EFL1: variants seen among roughly 807,000 people sequenced by gnomAD.
The protein encoded by EFL1 is elongation factor like GTPase 1.
Under a neutral mutation model 126.7 loss-of-function variants are expected in EFL1, and 76 were observed. That is an observed-to-expected ratio of 0.60 (90% CI 0.50 to 0.73). The LOEUF is 0.73. Ranked by LOEUF, EFL1 falls within the 30% of genes least tolerant of loss-of-function variation. The pLI, the probability that EFL1 is intolerant of heterozygous loss-of-function variation, is 0.00. For missense variants in EFL1, 1,128 were observed against 1,343.2 expected, an observed-to-expected ratio of 0.84 and a Z score of 2.50; for synonymous variants, 410 against 448.4, an observed-to-expected ratio of 0.91 and a Z score of 1.08.
chr15:82,177,330 T>C lies in EFL1; in HGVS notation c.1751-13346A>G, dbSNP rs74884534. ...AACTGCAACTAATAAAAATAAACCA[T>C]TTCAGAACCTTTAAAAAAGAACTGG... On this transcript the variant is annotated intron_variant, in intron 15 of 19. Coordinates refer to ENST00000268206, the MANE Select transcript of EFL1 (RefSeq NM_024580.6). Among the ~76,000 whole-genome samples the C allele has an allele frequency of 8.1e-3, 1,230 of 152,304 alleles. 15 individuals carry two copies. Among genetic ancestry groups the C allele is most frequent in the African/African-American group, 0.028 (1,154 of 41,574 alleles).
In EFL1 at chr15:82,152,116, T is replaced by C. The variant is rs760453744; in HGVS notation, c.2338A>G (p.Thr780Ala). The C allele has an allele frequency of 5.0e-6, 8 of 1,614,056 alleles. No individual in the cohort carries two copies. Among genetic ancestry groups the C allele is most frequent in the South Asian group, 4.4e-5 (4 of 91,088 alleles). Residue 780 changes from threonine (T) to alanine (A), a missense_variant, in exon 18 of 20, where the codon ACA (threonine) becomes GCA (alanine). Thr to Ala is a moderately conservative substitution (Grantham distance 58). Transcript: ENST00000268206. ...TTTTCACCCTCATTCAAAGAGGATGTCAACTGCTCCATAGAACGAATCAAA... is the reference window on the plus strand; with the variant it reads ...TTTTCACCCTCATTCAAAGAGGATGCCAACTGCTCCATAGAACGAATCAAA... ...SDLIRSMEQL[T>A]SSLNEGENTH... is the part of the protein sequence containing the mutation.
Position 82,262,733 on chromosome 15 carries a change from C to A in EFL1, c.-139G>T. The A allele has an allele frequency of 1.0e-6, 1 of 966,770 alleles. No homozygotes were observed. Among genetic ancestry groups the A allele is most frequent in the Non-Finnish European group, 1.5e-6 (1 of 676,500 alleles). The allele number at this position is 966,770 out of a possible 1,614,324, so 59.9% of individuals were successfully genotyped here. A position where few individuals can be genotyped will look rare whatever the true frequency, so the allele number is the denominator to read the frequency against. On this transcript the variant is annotated 5_prime_UTR_variant, in exon 1 of 20. Transcript: ENST00000268206. ...CCCGCGCGCCAGGGGGCGGGGCCGG[C>A]TGTCGCTCGACCTTTCACCCGCACG... is the stretch of plus-strand genomic sequence containing the variant.
At chr15:82,171,521 T>G (rs1053643820) in intron 15 of EFL1, among the ~76,000 whole-genome samples, 2 of 152,130 alleles carry the variant, frequency 1.3e-5, no homozygotes, top group Non-Finnish European at 2.9e-5. Flanking sequence ...AATGATATAA[T>G]TGCATCTGCG....
At chr15:82,222,244 A>G (rs993582731) in intron 12 of EFL1, among the ~76,000 whole-genome samples, 2 of 152,212 alleles carry the variant, frequency 1.3e-5, no homozygotes, top group African/African-American at 4.8e-5. Context: ...TCGTATTCCT[A>G]TTCTACATAT....
chr15:82,246,762 A>T (rs1166346177), intron 4 of EFL1, among the ~76,000 whole-genome samples: 1 of 152,076 alleles, frequency 6.6e-6, no homozygotes, highest in Non-Finnish European at 1.5e-5. Context: ...AGCAGGTGAG[A>T]ATTCTTCTCT....
chr15:82,236,445 A>G (rs1596001268), intron 7 of EFL1, among the ~76,000 whole-genome samples: 1 of 152,266 alleles, frequency 6.6e-6, no homozygotes. Flanking sequence ...AATCAAAATT[A>G]TGTGGTACTG....
At chr15:82,227,684 G>T in intron 10 of EFL1, 112 bp from the exon 11 acceptor site, 1 of 1,455,100 alleles carries the variant, frequency 6.9e-7, no homozygotes. Context: ...TACAGAAAAT[G>T]CCTGTGCTAC....
At chr15:82,148,805 T>C (rs548892282) in intron 18 of EFL1, among the ~76,000 whole-genome samples, 2 of 152,314 alleles carry the variant, frequency 1.3e-5, no homozygotes, top group South Asian at 4.1e-4. Flanking sequence ...ACTAAACTTT[T>C]TGAGGATATA....
chr15:82,209,358 A>T (rs1649679755), intron 15 of EFL1, among the ~76,000 whole-genome samples: 1 of 137,114 alleles, frequency 7.3e-6, no homozygotes, highest in Admixed American at 7.3e-5. Context: ...CACACAGATT[A>T]TCAACACTGA....
chr15:82,184,112 AT>A (rs1218582817), intron 15 of EFL1, among the ~76,000 whole-genome samples: 1 of 152,212 alleles, frequency 6.6e-6, no homozygotes, highest in Admixed American at 6.5e-5. Flanking sequence ...GTTAATAATT[AT>A]TTTTAGCCAA....
chr15:82,225,913 A>T (rs1038477391), intron 11 of EFL1, among the ~76,000 whole-genome samples: 7 of 152,164 alleles, frequency 4.6e-5, no homozygotes, highest in Non-Finnish European at 8.8e-5. Context: ...CAATTCCATC[A>T]CCTCACGTTA....
At chr15:82,246,100 T>C (rs1212830347) in intron 4 of EFL1, among the ~76,000 whole-genome samples, 2 of 152,094 alleles carry the variant, frequency 1.3e-5, no homozygotes, top group African/African-American at 4.8e-5. Context: ...AGACCACTTC[T>C]GATTACATTT....
chr15:82,181,288 A>G (rs1384705948), intron 15 of EFL1, among the ~76,000 whole-genome samples: 1 of 152,172 alleles, frequency 6.6e-6, no homozygotes, highest in Non-Finnish European at 1.5e-5. Flanking sequence ...GTTAATTTAT[A>G]TTTCTGCATT....
intron 15 of EFL1, among the ~76,000 whole-genome samples, chr15:82,191,450 G>C (rs2074358429): frequency 6.6e-6 from 1 of 152,078 alleles, no homozygotes; most frequent in Admixed American, 6.5e-5. Flanking sequence ...AGACTGCACG[G>C]ATCAAATACT....
chr15:82,158,647 C>T (rs2141236460), intron 16 of EFL1, among the ~76,000 whole-genome samples: 1 of 152,254 alleles, frequency 6.6e-6, no homozygotes, highest in East Asian at 1.9e-4. Context: ...TTCCTCAATG[C>T]TTGGTTTTCA....
chr15:82,134,062 C>A (rs2073692669), intron 19 of EFL1, among the ~76,000 whole-genome samples: 1 of 152,160 alleles, frequency 6.6e-6, no homozygotes, highest in South Asian at 2.1e-4. Flanking sequence ...TTATTTCGAA[C>A]CATTTATACC....
intron 16 of EFL1, among the ~76,000 whole-genome samples, chr15:82,161,163 G>C (rs1350641209): frequency 1.4e-5 from 2 of 147,290 alleles, no homozygotes; most frequent in East Asian, 3.9e-4. Context: ...GTTGTCTTCT[G>C]GATTAATCTA....
chr15:82,188,022 T>C (rs1047635489), intron 15 of EFL1, among the ~76,000 whole-genome samples: 3 of 152,190 alleles, frequency 2.0e-5, no homozygotes, highest in African/African-American at 7.2e-5. Flanking sequence ...ATGACCATTA[T>C]AATTTTAGTT....
rs765336217 is a variant in EFL1 at position 82,238,346 on chromosome 15, T to C, written c.692A>G (p.Asn231Ser). The change falls in exon 7 of 20, where the codon AAT becomes AGT. Residue 231 changes from asparagine to serine, a missense_variant. Physicochemically the swap from Asn to Ser is conservative, Grantham distance 46. Coordinates refer to ENST00000268206, the MANE Select transcript of EFL1 (RefSeq NM_024580.6). ...ATCTATTGCACTGGTAAACACCACA[T>C]TTCCCTGTTCTGGAGAGAAGTAAAG... is the stretch of plus-strand genomic sequence containing the variant. Reference protein sequence around the residue: ...SHLYFSPEQGNVVFTSAIDGW... With the variant: ...SHLYFSPEQGSVVFTSAIDGW... 5 of 1,614,074 alleles carry C rather than the reference T, an allele frequency of 3.1e-6. No individual in the cohort carries two copies. The African/African-American group carries it at 5.3e-5, about 17-fold the overall frequency.
Sources: allele counts gnomAD v4.1 joint callset (sites outside exome capture counted in the v4.1 genomes callset), GRCh38; gene constraint gnomAD v4.1.1; transcripts MANE v1.5; gene names NCBI Gene and HGNC (gene_info 2026-07-23, HGNC 2026-07-21).